DIP2C: variants seen among roughly 807,000 people sequenced by gnomAD.
The protein encoded by DIP2C is DIP2 acetate--CoA ligase C (putative).
A neutral mutation model predicts 192.4 loss-of-function variants in DIP2C; 33 were observed. That is an observed-to-expected ratio of 0.17 (90% CI 0.13 to 0.23). DIP2C has a LOEUF of 0.23. Ranked by LOEUF, DIP2C falls within the 10% of genes least tolerant of loss-of-function variation. The pLI is 1.00. For synonymous variants in DIP2C, 979 were observed against 864.1 expected, an observed-to-expected ratio of 1.13 and a Z score of -2.33; for missense variants, 1,537 against 2,110.1, an observed-to-expected ratio of 0.73 and a Z score of 5.32.
chr10:688,213 G>A lies in DIP2C; in HGVS notation c.85+1281C>T, dbSNP rs1400897246. ...TCATCCTCAGCTCCTCAGGAGGGCA[G>A]CAGCCAAGCCCACAGGCCTGGAAGA... On this transcript the variant is annotated intron_variant, in intron 1 of 36. Coordinates refer to ENST00000280886, the MANE Select transcript of DIP2C (RefSeq NM_014974.3). 4.6e-5 allele frequency among the ~76,000 whole-genome samples: 7 copies of A among 152,234 alleles called. No individual in the cohort carries two copies. In the East Asian group the frequency reaches 1.2e-3, roughly 25 times the overall value.
At chr10:442,039 G>T (rs1168900522) in intron 3 of DIP2C, among the ~76,000 whole-genome samples, 1 of 152,154 alleles carries the variant, frequency 6.6e-6, no homozygotes, top group Non-Finnish European at 1.5e-5. Context: ...AGAATAACAG[G>T]CTTCAAGACA....
Position 422,749 on chromosome 10 carries a change from G to A in DIP2C, c.604+75C>T, listed in dbSNP as rs115161637. ...TTCCACCGAGGGATTCCGCTGCAAC[G>A]ATGCAAACAGAGAATGTGCACACAC... On this transcript the variant is annotated intron_variant, in intron 5 of 36. Transcript: ENST00000280886. The A allele has an allele frequency of 3.1e-3, 4,616 of 1,503,054 alleles. 133 individuals are homozygous for A. In the African/African-American group the frequency reaches 0.057, roughly 18 times the overall value. 93.1% of individuals were successfully genotyped at this position (1,503,054 alleles called of 1,614,324 possible).
intron 28 of DIP2C, among the ~76,000 whole-genome samples, chr10:343,054 C>T (rs897403262): frequency 6.6e-5 from 10 of 152,166 alleles, no homozygotes; most frequent in African/African-American, 2.4e-5. Context: ...CTTTGGGAGG[C>T]CGAGGCGGGC....
rs575808549 is a variant in DIP2C at position 362,306 on chromosome 10, A to T, written c.2794+184T>A. Among the ~76,000 whole-genome samples the T allele has an allele frequency of 6.6e-5, 10 of 152,312 alleles. No individual in the cohort carries two copies. In the East Asian group the frequency reaches 1.9e-3, roughly 29 times the overall value. On this transcript the variant is annotated intron_variant, in intron 22 of 36. Coordinates refer to ENST00000280886, the MANE Select transcript of DIP2C (RefSeq NM_014974.3). ...AGCCTACAGAGAATAAAAGCAAGGC[A>T]TTTACAGCCAGAAGACCAGAATCCA...
chr10:580,910 G>A (rs183880484), intron 1 of DIP2C, among the ~76,000 whole-genome samples: 164 of 152,300 alleles, frequency 1.1e-3, no homozygotes, highest in African/African-American at 3.2e-3. Flanking sequence ...ACTGACTCAC[G>A]ATGAAGCACT....
At chr10:426,969 A>G (rs1335802387) in intron 4 of DIP2C, among the ~76,000 whole-genome samples, 1 of 152,248 alleles carries the variant, frequency 6.6e-6, no homozygotes, top group Non-Finnish European at 1.5e-5. Context: ...CTTCCAAAAA[A>G]TCCATAAAAA....
intron 32 of DIP2C, among the ~76,000 whole-genome samples, chr10:304,962 G>T (rs1000954486): frequency 2.6e-5 from 4 of 152,158 alleles, no homozygotes; most frequent in African/African-American, 9.7e-5. Context: ...CACGTGCAAA[G>T]CCATAAATGT....
At chr10:309,519 CCTG>C (rs1956481163) in intron 32 of DIP2C, among the ~76,000 whole-genome samples, 2 of 152,096 alleles carry the variant, frequency 1.3e-5, no homozygotes, top group East Asian at 1.9e-4. Flanking sequence ...TGGCCATACT[CCTG>C]CTATCACACC....
chr10:385,669 G>A (rs1240877127), intron 14 of DIP2C, among the ~76,000 whole-genome samples: 8 of 152,196 alleles, frequency 5.3e-5, no homozygotes, highest in African/African-American at 1.9e-4. Flanking sequence ...GCTGCACACA[G>A]AGGCTGGGAC....
chr10:367,344 G>A (rs961706507), intron 18 of DIP2C, among the ~76,000 whole-genome samples: 29 of 151,730 alleles, frequency 1.9e-4, no homozygotes, highest in African/African-American at 7.0e-4. Flanking sequence ...GTGAACCCGG[G>A]AGGCAGAGCC....
chr10:465,289 C>T (rs1225696637), intron 3 of DIP2C, among the ~76,000 whole-genome samples: 1 of 144,518 alleles, frequency 6.9e-6, no homozygotes, highest in Non-Finnish European at 1.5e-5. Context: ...ACAAAAACCA[C>T]ATGATTATCT....
intron 1 of DIP2C, among the ~76,000 whole-genome samples, chr10:674,787 T>TAGAGAGAG (rs1222152605): frequency 6.5e-4 from 53 of 81,520 alleles, no homozygotes; most frequent in African/African-American, 1.3e-3. Context: ...TATATATATA[T>TAGAGAGAG]ATAGAGAGAG....
intron 10 of DIP2C, among the ~76,000 whole-genome samples, chr10:392,976 C>T (rs565571916): frequency 3.3e-5 from 5 of 152,312 alleles, no homozygotes; most frequent in Admixed American, 2.0e-4. Flanking sequence ...CAAAGGGCTG[C>T]GGGTCCTCAG....
At chr10:551,409 A>G (rs1047275699) in intron 1 of DIP2C, among the ~76,000 whole-genome samples, 2 of 152,198 alleles carry the variant, frequency 1.3e-5, no homozygotes, top group African/African-American at 4.8e-5. Flanking sequence ...AGGCTGTGGA[A>G]GGGGTCCAGG....
intron 22 of DIP2C, among the ~76,000 whole-genome samples, chr10:360,963 C>A (rs1959404692): frequency 1.3e-5 from 2 of 152,054 alleles, no homozygotes; most frequent in African/African-American, 4.8e-5. Context: ...TTCGAAGGGG[C>A]CTTAGAAATC....
intron 3 of DIP2C, among the ~76,000 whole-genome samples, chr10:469,800 C>T (rs1303926409): frequency 6.6e-6 from 1 of 152,190 alleles, no homozygotes; most frequent in Non-Finnish European, 1.5e-5. Context: ...TCCAAATTCC[C>T]GAGCGTGATG....
intron 1 of DIP2C, among the ~76,000 whole-genome samples, chr10:585,236 T>TCCCC (rs751759969): frequency 2.5e-4 from 38 of 152,266 alleles, no homozygotes; most frequent in Admixed American, 1.2e-3. Context: ...GAGCAAGCGT[T>TCCCC]CCCCATCCCA....
chr10:637,206 A>G (rs960227175), intron 1 of DIP2C, among the ~76,000 whole-genome samples: 1 of 152,162 alleles, frequency 6.6e-6, no homozygotes, highest in African/African-American at 2.4e-5. Flanking sequence ...GGCTGCTGTA[A>G]CAACACACCA....
At chr10:555,870 A>G (rs1848826858) in intron 1 of DIP2C, among the ~76,000 whole-genome samples, 1 of 152,134 alleles carries the variant, frequency 6.6e-6, no homozygotes, top group South Asian at 2.1e-4. Context: ...TTCAAGTCAC[A>G]GAACACGGTC....
Sources: gnomAD v4.1 joint callset for allele counts (sites outside exome capture counted in the v4.1 genomes callset) on GRCh38, gnomAD v4.1.1 for gene constraint, MANE v1.5 for transcripts, NCBI Gene and HGNC (gene_info 2026-07-23, HGNC 2026-07-21) for gene names.